ARFGEF1: variants seen among roughly 807,000 people sequenced by gnomAD.
ARFGEF1 encodes brefeldin A-inhibited guanine nucleotide-exchange protein 1.
Under a neutral mutation model 231.0 loss-of-function variants are expected in ARFGEF1, and 42 were observed. The observed-to-expected ratio is 0.18, with a 90% CI of 0.14 to 0.24. ARFGEF1 has a LOEUF of 0.24. ARFGEF1 is among the 10% of genes least tolerant of loss of function. The probability of loss-of-function intolerance (pLI) is 1.00; values close to 1 mark genes in which losing one functional copy is unlikely to be tolerated. For synonymous variants in ARFGEF1, 710 were observed against 732.3 expected (o/e 0.97, Z 0.49); for missense variants, 1,345 against 2,192.0 (o/e 0.61, Z 7.72).
chr8:67,193,423 T>C (rs1361334323), downstream of ARFGEF1: 2 of 1,580,130 alleles, frequency 1.3e-6, no homozygotes, highest in South Asian at 2.2e-5. Context: ...TGAACATATT[T>C]TGTGTTAATG....
At position 67,287,395 on chromosome 8, in the gene ARFGEF1, T is replaced by C. The variant is rs373545455; in HGVS notation, c.1027+560A>G. On this transcript the variant is annotated intron_variant, in intron 7 of 38. Transcript: ENST00000262215. ...AGAGAAGACATTTGGAGCATGTACC[T>C]GATTTTCTCCAGGCTTCACCCCATA... Among the ~76,000 whole-genome samples the C allele has an allele frequency of 7.9e-5, 12 of 152,326 alleles. No individual in the cohort carries two copies. The South Asian group carries it at 1.4e-3, about 18-fold the overall frequency.
Position 67,218,042 on chromosome 8 carries a change from C to T in ARFGEF1, c.4435G>A (p.Asp1479Asn). ...CAGTAGAGCTGAGCAAAAATGTCAT[C>T]CAAAAGTACATCACTGAGTACTTCT... ...YLEVLSDVLL[D>N]DIFAQLYWCV... Residue 1479 changes from aspartate (D) to asparagine (N), a missense_variant, in exon 31 of 39, where the codon GAT becomes AAT. Physicochemically the swap from Asp to Asn is conservative, Grantham distance 23. Around this residue, in one of 14 missense-constraint regions of ARFGEF1, gnomAD observed 54 missense variants for 86.5 expected, o/e 0.62. Transcript: ENST00000262215. The T allele has an allele frequency of 6.2e-7, 1 of 1,611,706 alleles. No homozygotes were observed. The highest frequency in any genetic ancestry group is 8.5e-7 in the Non-Finnish European group (1 of 1,178,886).
At chr8:67,191,811 C>T (rs907233313) in intron 5 of ARFGEF1, among the ~76,000 whole-genome samples, 5 of 152,112 alleles carry the variant, frequency 3.3e-5, no homozygotes, top group African/African-American at 1.2e-4. Flanking sequence ...TTGTATTTAG[C>T]ATTTTGAGGA....
At chr8:67,214,436 A>T (rs1256558874) in intron 33 of ARFGEF1, among the ~76,000 whole-genome samples, 2 of 152,214 alleles carry the variant, frequency 1.3e-5, no homozygotes, top group Non-Finnish European at 2.9e-5. Flanking sequence ...AGAAGAAGAT[A>T]TATTGATGAA....
At chr8:67,181,736 T>A (rs953690049) in intron 5 of ARFGEF1, among the ~76,000 whole-genome samples, 8 of 152,188 alleles carry the variant, frequency 5.3e-5, no homozygotes, top group Non-Finnish European at 1.2e-4. Flanking sequence ...TTGACTGGCA[T>A]TAAGTATTTC....
intron 10 of ARFGEF1, among the ~76,000 whole-genome samples, chr8:67,270,954 G>T (rs530167884): frequency 2.0e-5 from 3 of 149,266 alleles, no homozygotes; most frequent in Admixed American, 2.0e-4. Flanking sequence ...AACCCAGCAG[G>T]CGGAGGTTGT....
intron 9 of ARFGEF1, among the ~76,000 whole-genome samples, chr8:67,274,704 T>A (rs1245506603): frequency 6.6e-6 from 1 of 152,114 alleles, no homozygotes; most frequent in Non-Finnish European, 1.5e-5. Context: ...AATTTTTACA[T>A]TTGATTTGGA....
At chr8:67,257,254 C>T (rs1381014802) in intron 17 of ARFGEF1, among the ~76,000 whole-genome samples, 1 of 151,990 alleles carries the variant, frequency 6.6e-6, no homozygotes, top group Admixed American at 6.5e-5. Context: ...CTAATTTATG[C>T]ATATTTTGTA....
At chr8:67,227,915 CA>C in intron 25 of ARFGEF1, 47 bp downstream of exon 25, 21 of 1,431,696 alleles carry the variant, frequency 1.5e-5, no homozygotes, top group Non-Finnish European at 1.9e-5. Context: ...ACATTCTAAA[CA>C]AAAAATATAC....
At chr8:67,207,806 T>G (rs1838575454) in intron 34 of ARFGEF1, among the ~76,000 whole-genome samples, 1 of 152,184 alleles carries the variant, frequency 6.6e-6, no homozygotes, top group African/African-American at 2.4e-5. Flanking sequence ...TTGTTCTTCC[T>G]CCAGCTCTAC....
intron 1 of ARFGEF1, among the ~76,000 whole-genome samples, chr8:67,335,101 ATTT>A (rs1166810807): frequency 2.3e-5 from 3 of 132,352 alleles, no homozygotes; most frequent in Admixed American, 7.8e-5. Flanking sequence ...ATCACGGTAA[ATTT>A]TTTTTTTTTT....
At chr8:67,299,561 A>T (rs2128914301) in intron 3 of ARFGEF1, among the ~76,000 whole-genome samples, 1 of 152,354 alleles carries the variant, frequency 6.6e-6, no homozygotes, top group South Asian at 2.1e-4. Context: ...TACTTGTAAT[A>T]ATCACAAAAA....
At chr8:67,296,983 CA>C (rs1357614493) in intron 4 of ARFGEF1, among the ~76,000 whole-genome samples, 2 of 152,112 alleles carry the variant, frequency 1.3e-5, no homozygotes, top group African/African-American at 4.8e-5. Flanking sequence ...AGAGTTTCAG[CA>C]CAAAAATTAA....
intron 9 of ARFGEF1, among the ~76,000 whole-genome samples, chr8:67,275,296 A>G (rs1297804188): frequency 6.6e-6 from 1 of 152,058 alleles, no homozygotes; most frequent in East Asian, 1.9e-4. Context: ...CTCAAAAGTA[A>G]TTAGTTACAT....
downstream of ARFGEF1, chr8:67,193,434 A>T: frequency 6.3e-7 from 1 of 1,597,174 alleles, no homozygotes; most frequent in Non-Finnish European, 8.6e-7. Context: ...TGTGTTAATG[A>T]CTTTCTGAAG....
At chr8:67,279,141 T>C (rs915666069) in intron 7 of ARFGEF1, among the ~76,000 whole-genome samples, 2 of 152,160 alleles carry the variant, frequency 1.3e-5, no homozygotes, top group African/African-American at 4.8e-5. Context: ...TATGTAAAGA[T>C]TGTGGAAAGA....
rs1187606243 is a variant in ARFGEF1, at chr8:67,219,554, T to C, written c.4215A>G (p.Leu1405=). 1 of 1,598,258 alleles carries C rather than the reference T, an allele frequency of 6.3e-7. No individual in the cohort carries two copies. The highest frequency in any genetic ancestry group is 1.7e-5 in the Admixed American group (1 of 57,922). Residue 1405 remains leucine, a synonymous_variant, in exon 30 of 39, where the codon TTA becomes TTG. Coordinates refer to ENST00000262215, the MANE Select transcript of ARFGEF1 (RefSeq NM_006421.5). ...RCKLDVRTRG[L]TVMFEIMKTY... ...TTTTCATTATTTCAAACATTACTGT[T>C]AAACCCCTAAAATGACAAAACACAA... is the stretch of plus-strand genomic sequence containing the variant.
At chr8:67,188,437 G>A (rs1400973577) in intron 5 of ARFGEF1, among the ~76,000 whole-genome samples, 2 of 152,192 alleles carry the variant, frequency 1.3e-5, no homozygotes, top group Non-Finnish European at 2.9e-5. Context: ...TTAGGCTAAA[G>A]CAGGAGGTAA....
chr8:67,341,519 C>T (rs1272352969), intron 1 of ARFGEF1, among the ~76,000 whole-genome samples: 1 of 151,960 alleles, frequency 6.6e-6, no homozygotes, highest in African/African-American at 2.4e-5. Context: ...AATGCCTGAT[C>T]CTGGGAGTTT....
Sources: allele counts gnomAD v4.1 joint callset (sites outside exome capture counted in the v4.1 genomes callset), GRCh38; gene constraint gnomAD v4.1.1; regional missense constraint gnomAD v4.1.1; transcripts MANE v1.5; gene names NCBI Gene and HGNC (gene_info 2026-07-23, HGNC 2026-07-21).